SAV1: variants seen among roughly 807,000 people sequenced by gnomAD.
SAV1 encodes the protein salvador family WW domain containing protein 1, also known as protein salvador homolog 1.
Under a neutral mutation model 47.3 loss-of-function variants are expected in SAV1, and 23 were observed. The ratio of observed to expected loss-of-function variants is 0.49; its 90% CI spans 0.35 to 0.69. The LOEUF is 0.69. Among genes scored for constraint, SAV1 ranks in the 30% least tolerant of loss-of-function variants. SAV1 has a pLI of 0.01. For missense variants in SAV1, 448 were observed against 457.4 expected (o/e 0.98, Z 0.19); for synonymous variants, 155 against 159.2 (o/e 0.97, Z 0.20).
intron 1 of SAV1, chr14:50,667,510 TA>T (rs1376127250): frequency 6.4e-6 from 3 of 466,414 alleles, no homozygotes; most frequent in African/African-American, 6.0e-5. Context: ...TCTAAAAGAG[TA>T]AAAAGTGTCC....
chr14:50,658,803 T>C (rs1230442321), intron 2 of SAV1, among the ~76,000 whole-genome samples: 1 of 152,198 alleles, frequency 6.6e-6, no homozygotes, highest in Non-Finnish European at 1.5e-5. Context: ...CCTAAAAATA[T>C]GTTTTAAGTC....
intron 2 of SAV1, among the ~76,000 whole-genome samples, chr14:50,654,557 T>C (rs1440657175): frequency 6.6e-6 from 1 of 151,982 alleles, no homozygotes; most frequent in Non-Finnish European, 1.5e-5. Context: ...CAGGCAGAAA[T>C]GAAAAAAGTT....
At position 50,633,598 on chromosome 14, in the gene SAV1, G is replaced by C. The variant is rs1259916216; in HGVS notation, c.*1585C>G. 1 of 152,358 alleles carries C rather than the reference G, an allele frequency of 6.6e-6. No homozygotes were observed. Among genetic ancestry groups the C allele is most frequent in the African/African-American group, 2.4e-5 (1 of 41,352 alleles). The allele number at this position is 152,358 out of a possible 1,614,324, so 9.4% of individuals were successfully genotyped here. A position where few individuals can be genotyped will look rare whatever the true frequency, so the allele number is the denominator to read the frequency against. Reference sequence around the variant, plus strand: ...CTTTTGAACAGAAAAATGAAATACAGCACTATGTCTAAAACATGGACTCAA... The same window carrying C: ...CTTTTGAACAGAAAAATGAAATACACCACTATGTCTAAAACATGGACTCAA... On this transcript the variant is annotated 3_prime_UTR_variant, in exon 5 of 5. Transcript: ENST00000324679.
At chr14:50,642,089 T>C (rs1401694653) in intron 3 of SAV1, among the ~76,000 whole-genome samples, 1 of 152,164 alleles carries the variant, frequency 6.6e-6, no homozygotes, top group Non-Finnish European at 1.5e-5. Context: ...GCCATTATCC[T>C]AAGTGAATTA....
At chr14:50,659,879 T>C (rs924595729) in intron 2 of SAV1, among the ~76,000 whole-genome samples, 5 of 152,026 alleles carry the variant, frequency 3.3e-5, no homozygotes, top group African/African-American at 1.2e-4. Flanking sequence ...AAGAAAACAA[T>C]GATCCTAGAT....
rs2039923522 is a variant in SAV1 at position 50,668,269 on chromosome 14, C to T, written c.-302G>A. The T allele has an allele frequency of 5.5e-6, 1 of 180,450 alleles. No individual in the cohort carries two copies. Among genetic ancestry groups the T allele is most frequent in the Admixed American group, 6.3e-5 (1 of 15,970 alleles). The allele number at this position is 180,450 out of a possible 1,614,324, so 11.2% of individuals were successfully genotyped here. On this transcript the variant is annotated 5_prime_UTR_variant, in exon 1 of 5. The change abolishes an upstream ATG in the 5' untranslated region. Transcript: ENST00000324679. ...AGCGACGCCGGGCCAGGGCCAGGGC[C>T]ATGGTCCGCCGCGGGCCGCCGAATA...
chr14:50,656,872 C>G (rs2039817102), intron 2 of SAV1, among the ~76,000 whole-genome samples: 1 of 152,064 alleles, frequency 6.6e-6, no homozygotes, highest in East Asian at 1.9e-4. Context: ...AAGCATAAAG[C>G]ATTACCAAAA....
intron 2 of SAV1, among the ~76,000 whole-genome samples, chr14:50,650,337 A>G (rs1298830578): frequency 6.6e-6 from 1 of 152,254 alleles, no homozygotes; most frequent in Non-Finnish European, 1.5e-5. Context: ...TATAGCTGTA[A>G]ACATGAATGA....
intron 4 of SAV1, chr14:50,637,663 A>AGTTTTTTTTTTTTT (rs2039646012): frequency 6.2e-5 from 8 of 128,774 alleles, no homozygotes; most frequent in African/African-American, 2.7e-4. Context: ...CAATTTTGTC[A>AGTTTTTTTTTTTTT]GTTTTTTTTT....
rs773785432 is a variant in SAV1, at chr14:50,665,280, T to C, written c.434A>G (p.Lys145Arg). ...ATGTGCACGATCTCCAAGTGGCCGC[T>C]TTCTCTGACCATCAAAAAAATTGTC... Reference protein sequence around the residue: ...YSDNFFDGQRKRPLGDRAHED... With the variant: ...YSDNFFDGQRRRPLGDRAHED... The change falls in exon 2 of 5, where the codon AAG becomes AGG. Residue 145 changes from lysine to arginine, a missense_variant. By Grantham distance (26) the Lys-to-Arg change is conservative. Transcript: ENST00000324679. 1.2e-5 allele frequency: 20 copies of C among 1,613,780 alleles called. No individual in the cohort carries two copies. In the South Asian group the frequency reaches 1.8e-4, roughly 14 times the overall value.
At chr14:50,651,622 C>CTTAT (rs1284249377) in intron 2 of SAV1, among the ~76,000 whole-genome samples, 1 of 152,060 alleles carries the variant, frequency 6.6e-6, no homozygotes, top group Non-Finnish European at 1.5e-5. Flanking sequence ...TTATGTATTA[C>CTTAT]TTATTTATTG....
intron 3 of SAV1, 35 bp from the exon 4 acceptor site, chr14:50,640,928 G>C: frequency 1.3e-6 from 2 of 1,542,772 alleles, no homozygotes; most frequent in Non-Finnish European, 1.8e-6. Flanking sequence ...TTAGGATAAA[G>C]GTCTTAAAAT....
rs928403666 is a variant in SAV1, at chr14:50,638,997, G to A, written c.950+1753C>T. The stretch of plus-strand genomic sequence containing the variant: ...TTAGCCAGGATGGTCTCGATCTCTC[G>A]ACCTTGTGATCCACTCGCCTCAGCC... On this transcript the variant is annotated intron_variant, in intron 4 of 4. Transcript: ENST00000324679. Among the ~76,000 whole-genome samples, 18 of 152,206 alleles carry A rather than the reference G, an allele frequency of 1.2e-4. 1 individual carries two copies. The highest frequency in any genetic ancestry group is 4.1e-4 in the African/African-American group (17 of 41,534).
intron 2 of SAV1, among the ~76,000 whole-genome samples, chr14:50,651,966 T>A (rs760517926): frequency 6.6e-6 from 1 of 152,192 alleles, no homozygotes. Flanking sequence ...CATCGGGAAA[T>A]ATCCTAAATT....
Position 50,635,403 on chromosome 14 carries a change from A to G in SAV1, c.951-19T>C. ...GTCATATCTGTTTTAAAACACAATCATATATATGTTCACAACACATACATA... is the reference window on the plus strand; with the variant it reads ...GTCATATCTGTTTTAAAACACAATCGTATATATGTTCACAACACATACATA... On this transcript the variant is annotated intron_variant, in intron 4 of 4. Coordinates refer to ENST00000324679, the MANE Select transcript of SAV1 (RefSeq NM_021818.4). 2 of 1,594,664 alleles carry G rather than the reference A, an allele frequency of 1.3e-6. No homozygotes were observed. The highest frequency in any genetic ancestry group is 1.7e-4 in the Middle Eastern group (1 of 5,992).
rs2140267293 is a variant in SAV1 at position 50,665,610 on chromosome 14, G to A, written c.104C>T (p.Pro35Leu). 6.3e-7 allele frequency: 1 copy of A among 1,598,752 alleles called. No individual in the cohort carries two copies. Among genetic ancestry groups the A allele is most frequent in the Non-Finnish European group, 8.5e-7 (1 of 1,172,832 alleles). Residue 35 changes from proline (P) to leucine (L), a missense_variant, in exon 2 of 5, where the codon CCT becomes CTT. Transcript: ENST00000324679. ...ETSPLLRNLM[P>L]SFIRHGPTIP... ...TGTTGGACCATGCCGGATGAATGAA[G>A]GCATAAGATCTACAATAAAACAAAG...
chr14:50,668,047 C>G lies in SAV1; in HGVS notation c.-80G>C. On this transcript the variant is annotated 5_prime_UTR_variant, in exon 1 of 5. Transcript: ENST00000324679. ...GGGCGCCGGCCGTCTCCGCCGCCAC[C>G]TCCGCCGGCGCCGCCGCCTCCTTCC... is the stretch of plus-strand genomic sequence containing the variant. The G allele has an allele frequency of 9.7e-7, 1 of 1,031,384 alleles. No homozygotes were observed. Among genetic ancestry groups the G allele is most frequent in the Non-Finnish European group, 1.3e-6 (1 of 773,936 alleles). The allele number at this position is 1,031,384 out of a possible 1,614,324, so 63.9% of individuals were successfully genotyped here. A position where few individuals can be genotyped will look rare whatever the true frequency, so the allele number is the denominator to read the frequency against.
At position 50,665,294 on chromosome 14, in the gene SAV1, A is replaced by G. The variant is rs774622037; in HGVS notation, c.420T>C (p.Phe140=). The G allele has an allele frequency of 5.0e-6, 8 of 1,613,706 alleles. No homozygotes were observed. The Admixed American group carries it at 6.7e-5, about 13-fold the overall frequency. ...GSRYYYSDNF[F]DGQRKRPLGD... ...CAAGTGGCCGCTTTCTCTGACCATCAAAAAAATTGTCTGAATAATAATATC... is the reference window on the plus strand; with the variant it reads ...CAAGTGGCCGCTTTCTCTGACCATCGAAAAAATTGTCTGAATAATAATATC... The change falls in exon 2 of 5, where the codon TTT becomes TTC. Residue 140 remains phenylalanine (F), a synonymous_variant. Transcript: ENST00000324679.
At position 50,665,503 on chromosome 14, in the gene SAV1, G is replaced by C. The variant is rs2039894244; in HGVS notation, c.211C>G (p.Gln71Glu). 6.2e-7 allele frequency: 1 copy of C among 1,613,960 alleles called. No homozygotes were observed. The highest frequency in any genetic ancestry group is 8.5e-7 in the Non-Finnish European group (1 of 1,179,934). ...TGAATTGGAGTTCTAAGGAAACTCTGGTTTCTTGAAACTACATCTCCAGAA... is the reference window on the plus strand; with the variant it reads ...TGAATTGGAGTTCTAAGGAAACTCTCGTTTCTTGAAACTACATCTCCAGAA... ...STSGDVVSRN[Q>E]SFLRTPIQRT... The change falls in exon 2 of 5, where the codon CAG becomes GAG. Residue 71 changes from glutamine (Q) to glutamate (E), a missense_variant. By Grantham distance (29) the Gln-to-Glu change is conservative. Coordinates refer to ENST00000324679, the MANE Select transcript of SAV1 (RefSeq NM_021818.4).
Sources: allele counts gnomAD v4.1 joint callset (sites outside exome capture counted in the v4.1 genomes callset), GRCh38; gene constraint gnomAD v4.1.1; transcripts MANE v1.5; gene names NCBI Gene and HGNC (gene_info 2026-07-23, HGNC 2026-07-21).